TCF7L2: variants seen among roughly 807,000 people sequenced by gnomAD.
TCF7L2 encodes the protein transcription factor 7 like 2, also known as transcription factor 7-like 2.
TCF7L2 carries 23 observed loss-of-function variants against 77.9 expected under a neutral mutation model. The ratio of observed to expected loss-of-function variants is 0.30; its 90% CI spans 0.21 to 0.42. The LOEUF is 0.42. TCF7L2 is among the 10% of genes least tolerant of loss of function. TCF7L2 has a pLI of 1.00. For synonymous variants in TCF7L2, 413 were observed against 340.2 expected, an observed-to-expected ratio of 1.21 and a Z score of -2.36; for missense variants, 654 against 793.1, an observed-to-expected ratio of 0.82 and a Z score of 2.11.
chr10:113,165,650 C>A lies in TCF7L2; in HGVS notation c.1487C>A (p.Ser496Tyr), dbSNP rs202133956. 2 of 1,612,244 alleles carry A rather than the reference C, an allele frequency of 1.2e-6. No individual in the cohort carries two copies. Among genetic ancestry groups the A allele is most frequent in the East Asian group, 2.2e-5 (1 of 44,866 alleles). The change falls in exon 14 of 14, where the codon TCC becomes TAC. Residue 496 changes from serine (S) to tyrosine (Y), a missense_variant. Physicochemically the swap from Ser to Tyr is moderately radical, Grantham distance 144 (BLOSUM62 -2). Coordinates refer to ENST00000627217, the MANE Select transcript of TCF7L2 (RefSeq NM_001146274.2). ...AGCTTACTAGATTCGCCTCCCCCCT[C>A]CCCGAACCTGCTAGGCTCCCCTCCC... is the stretch of plus-strand genomic sequence containing the variant.
In TCF7L2 at chr10:113,127,800, A is replaced by C. The variant is rs574978733; in HGVS notation, c.553-13384A>C. 9.0e-4 allele frequency among the ~76,000 whole-genome samples: 135 copies of C among 150,388 alleles called. 3 individuals are homozygous for C. In the South Asian group the frequency reaches 0.028, roughly 31 times the overall value. On this transcript the variant is annotated intron_variant, in intron 5 of 13. Coordinates refer to ENST00000627217, the MANE Select transcript of TCF7L2 (RefSeq NM_001146274.2). Reference sequence around the variant, plus strand: ...GTTTTTAGTTTGAAGAAATTCAAGAAATTTCCCTTTACTTTTTAAGGAAGA... The same window carrying C: ...GTTTTTAGTTTGAAGAAATTCAAGACATTTCCCTTTACTTTTTAAGGAAGA...
At chr10:113,033,615 T>C (rs1318403413) in intron 4 of TCF7L2, among the ~76,000 whole-genome samples, 1 of 152,186 alleles carries the variant, frequency 6.6e-6, no homozygotes, top group East Asian at 1.9e-4. Context: ...AGATCTTTGG[T>C]TTTCTTTTCC....
chr10:113,103,183 G>A (rs1172553249), intron 5 of TCF7L2, among the ~76,000 whole-genome samples: 2 of 152,122 alleles, frequency 1.3e-5, no homozygotes, highest in Admixed American at 6.5e-5. Flanking sequence ...AAACGAGGCT[G>A]CCCACCTCCC....
intron 4 of TCF7L2, among the ~76,000 whole-genome samples, chr10:113,037,091 TCTC>T (rs1386931997): frequency 6.6e-6 from 1 of 152,202 alleles, no homozygotes; most frequent in Non-Finnish European, 1.5e-5. Context: ...TCCTTTTTCT[TCTC>T]TTTATTTATT....
chr10:113,046,781 G>A (rs2053539649), intron 5 of TCF7L2, among the ~76,000 whole-genome samples: 1 of 152,082 alleles, frequency 6.6e-6, no homozygotes, highest in Admixed American at 6.5e-5. Context: ...TTGGAAAACA[G>A]CCCATAATCT....
chr10:113,103,330 C>G (rs1465042441), intron 5 of TCF7L2, among the ~76,000 whole-genome samples: 1 of 152,190 alleles, frequency 6.6e-6, no homozygotes, highest in Non-Finnish European at 1.5e-5. Context: ...GAAGTTGTGG[C>G]TTCTGAGCCT....
Position 112,951,622 on chromosome 10 carries a change from G to T in TCF7L2, c.381+15G>T, listed in dbSNP as rs774526991. 30 of 1,188,902 alleles carry T rather than the reference G, an allele frequency of 2.5e-5. No individual in the cohort carries two copies. Among genetic ancestry groups the T allele is most frequent in the South Asian group, 8.5e-5 (4 of 47,300 alleles). The allele number at this position is 1,188,902 out of a possible 1,614,324, so 73.6% of individuals were successfully genotyped here. On this transcript the variant is annotated intron_variant, in intron 3 of 13. Coordinates refer to ENST00000627217, the MANE Select transcript of TCF7L2 (RefSeq NM_001146274.2). The stretch of plus-strand genomic sequence containing the variant: ...CCGCCCGAACCGTAAGTGCCTCCGC[G>T]CCCGGCCCCCGCCCGCTGCCCGCCC...
intron 5 of TCF7L2, among the ~76,000 whole-genome samples, chr10:113,070,309 T>G (rs2057834356): frequency 6.8e-6 from 1 of 147,508 alleles, no homozygotes; most frequent in Admixed American, 6.7e-5. Context: ...TAATTTAATG[T>G]TGCATTAACG....
chr10:113,112,850 G>C (rs116566788), intron 5 of TCF7L2, among the ~76,000 whole-genome samples: 3,145 of 152,284 alleles, frequency 0.021, 105 homozygotes, highest in African/African-American at 0.073. Flanking sequence ...AGTTTGGCCA[G>C]TGTTTCTGTG....
chr10:113,089,026 T>C (rs923134738), intron 5 of TCF7L2, among the ~76,000 whole-genome samples: 24 of 151,970 alleles, frequency 1.6e-4, no homozygotes, highest in Admixed American at 1.1e-3. Context: ...GACAGAAATA[T>C]CAGCAATTTC....
intron 5 of TCF7L2, among the ~76,000 whole-genome samples, chr10:113,062,423 A>C (rs2056609418): frequency 6.6e-6 from 1 of 152,128 alleles, no homozygotes. Context: ...TTCCGTGAAA[A>C]CCTTAGCCCT....
rs1182806808 is a variant in TCF7L2 at position 113,166,560 on chromosome 10, G to C, written c.*588G>C. 1 of 224,956 alleles carries C rather than the reference G, an allele frequency of 4.4e-6. No homozygotes were observed. Among genetic ancestry groups the C allele is most frequent in the African/African-American group, 2.2e-5 (1 of 44,748 alleles). The allele number at this position is 224,956 out of a possible 1,614,324, so 13.9% of individuals were successfully genotyped here. On this transcript the variant is annotated 3_prime_UTR_variant, in exon 14 of 14. Transcript: ENST00000627217. ...ATGTGTTAATATACCTTGTTCCATG[G>C]TGTTGTTCTTTTGGGGGGAGGGGAC...
rs1287012473 is a variant in TCF7L2 at position 112,950,942 on chromosome 10, C to T, written c.186C>T (p.Ser62=). The stretch of plus-strand genomic sequence containing the variant: ...CGAATCAAAACAGCTCCTCCGATTC[C>T]GAGGTAGGAAAAGCCCCTCGGGCTG... Residue 62 remains serine, a synonymous_variant, in exon 1 of 14, where the codon TCC becomes TCT. Transcript: ENST00000627217. 1.2e-6 allele frequency: 2 copies of T among 1,608,578 alleles called. No homozygotes were observed. Among genetic ancestry groups the T allele is most frequent in the Non-Finnish European group, 1.7e-6 (2 of 1,178,208 alleles).
chr10:113,102,121 A>C (rs2061727045), intron 5 of TCF7L2, among the ~76,000 whole-genome samples: 1 of 130,810 alleles, frequency 7.6e-6, no homozygotes, highest in Non-Finnish European at 1.7e-5. Flanking sequence ...CAAAAAAAAA[A>C]AAAAAAAAAA....
intron 4 of TCF7L2, among the ~76,000 whole-genome samples, chr10:112,985,069 T>C (rs1180881791): frequency 2.0e-5 from 3 of 152,222 alleles, no homozygotes; most frequent in African/African-American, 7.2e-5. Context: ...TGGGATAACA[T>C]GTACAGCGCC....
At chr10:112,955,920 T>TTG (rs2033439260) in intron 3 of TCF7L2, among the ~76,000 whole-genome samples, 1 of 151,870 alleles carries the variant, frequency 6.6e-6, no homozygotes, top group Non-Finnish European at 1.5e-5. Context: ...GTAGAAGTCT[T>TTG]TCCAGGTTTC....
At chr10:113,136,098 T>A (rs1002954393) in intron 5 of TCF7L2, among the ~76,000 whole-genome samples, 1 of 152,194 alleles carries the variant, frequency 6.6e-6, no homozygotes, top group East Asian at 1.9e-4. Flanking sequence ...TCTCAAGGCA[T>A]GTAACCTGGA....
intron 5 of TCF7L2, among the ~76,000 whole-genome samples, chr10:113,098,093 A>G (rs957601762): frequency 1.3e-5 from 2 of 149,872 alleles, no homozygotes; most frequent in African/African-American, 4.9e-5. Context: ...GAAGAAACAC[A>G]TGTCGTACCT....
At chr10:113,073,607 G>A (rs1282171095) in intron 5 of TCF7L2, among the ~76,000 whole-genome samples, 2 of 149,776 alleles carry the variant, frequency 1.3e-5, no homozygotes, top group African/African-American at 2.5e-5. Flanking sequence ...CGGGAGGATC[G>A]CTTGAGCCCA....
Sources: allele counts gnomAD v4.1 joint callset (sites outside exome capture counted in the v4.1 genomes callset), GRCh38; gene constraint gnomAD v4.1.1; transcripts MANE v1.5; gene names NCBI Gene and HGNC (gene_info 2026-07-23, HGNC 2026-07-21).